The following ROBO2 variants were observed in gnomAD, a reference collection of about 807,000 sequenced individuals.
ROBO2 encodes roundabout homolog 2.
Under a neutral mutation model 160.8 loss-of-function variants are expected in ROBO2, and 53 were observed. The ratio of observed to expected loss-of-function variants is 0.33; its 90% confidence interval spans 0.26 to 0.41. The LOEUF (loss-of-function observed/expected upper bound fraction) is 0.41, where lower values mean the gene tolerates loss of function less well. ROBO2 is among the 10% of genes least tolerant of loss of function. ROBO2 has a pLI of 1.00. For missense variants in ROBO2, 1,577 were observed against 1,722.4 expected, an observed-to-expected ratio of 0.92 and a Z score of 1.49; for synonymous variants, 664 against 611.7, an observed-to-expected ratio of 1.09 and a Z score of -1.26.
At chr3:76,709,865 G>A (rs2107584989) in intron 2 of ROBO2, among the ~76,000 whole-genome samples, 1 of 152,268 alleles carries the variant, frequency 6.6e-6, no homozygotes, top group South Asian at 2.1e-4. Context: ...ACTGTCTATT[G>A]CAATGTGGGG....
chr3:77,184,220 A>G (rs937035050), intron 2 of ROBO2, among the ~76,000 whole-genome samples: 2 of 152,056 alleles, frequency 1.3e-5, no homozygotes, highest in African/African-American at 4.8e-5. Context: ...ATCTTGCATC[A>G]GCTTTATTTT....
chr3:76,567,050 C>T (rs2084571942), intron 2 of ROBO2, among the ~76,000 whole-genome samples: 1 of 152,090 alleles, frequency 6.6e-6, no homozygotes, highest in Non-Finnish European at 1.5e-5. Context: ...ATATATTAAA[C>T]TAATTAGTCT....
chr3:76,332,566 A>G (rs992318089), intron 2 of ROBO2, among the ~76,000 whole-genome samples: 2 of 152,194 alleles, frequency 1.3e-5, no homozygotes, highest in Non-Finnish European at 1.5e-5. Flanking sequence ...AACCTAAGAA[A>G]TATATTCTTA....
chr3:77,481,052 T>C lies in ROBO2; in HGVS notation c.547-47T>C, dbSNP rs1206272940. On this transcript the variant is annotated intron_variant, in intron 3 of 25. Transcript: ENST00000461745. ...TATTAATGACCTTTATTTTCTATTC[T>C]GTTCCTTTTTCTTCCCTTCTCTTTT... 3.4e-6 allele frequency: 5 copies of C among 1,481,864 alleles called. No homozygotes were observed. The African/African-American group carries it at 4.2e-5, about 12-fold the overall frequency. 91.8% of individuals were successfully genotyped at this position (1,481,864 alleles called of 1,614,324 possible).
intron 2 of ROBO2, among the ~76,000 whole-genome samples, chr3:77,187,748 G>A (rs995185808): frequency 2.0e-5 from 3 of 151,822 alleles, no homozygotes; most frequent in Admixed American, 6.6e-5. Flanking sequence ...GTCCCCAAAA[G>A]TTCAGTCTTT....
chr3:77,344,175 T>C (rs2067369969), intron 2 of ROBO2, among the ~76,000 whole-genome samples: 1 of 152,126 alleles, frequency 6.6e-6, no homozygotes. Flanking sequence ...GAGAAGGAGA[T>C]GTTTGATGTA....
At chr3:76,268,277 G>A (rs930455630) in intron 2 of ROBO2, among the ~76,000 whole-genome samples, 1 of 151,950 alleles carries the variant, frequency 6.6e-6, no homozygotes, top group Non-Finnish European at 1.5e-5. Context: ...AAGGGGAGGG[G>A]AGGGGAGGGG....
intron 2 of ROBO2, among the ~76,000 whole-genome samples, chr3:77,196,502 CT>C (rs3071072): frequency 1.0e-4 from 15 of 148,724 alleles, no homozygotes; most frequent in South Asian, 2.1e-4. Context: ...AGGAGGGCAT[CT>C]TTTTTTTTTC....
intron 3 of ROBO2, 79 bp downstream of exon 3, chr3:77,477,650 A>G: frequency 1.5e-6 from 2 of 1,313,618 alleles, no homozygotes; most frequent in Non-Finnish European, 2.2e-6. Context: ...TTTATTCTTT[A>G]ACATTATTAA....
intron 2 of ROBO2, among the ~76,000 whole-genome samples, chr3:77,246,630 A>C (rs541332131): frequency 6.6e-6 from 1 of 152,352 alleles, no homozygotes; most frequent in African/African-American, 2.4e-5. Context: ...ACTGTGAATC[A>C]GAAAAAGTCA....
chr3:76,786,601 C>G (rs1355251721), intron 2 of ROBO2, among the ~76,000 whole-genome samples: 2 of 151,338 alleles, frequency 1.3e-5, no homozygotes, highest in African/African-American at 4.8e-5. Flanking sequence ...AATTACCTCC[C>G]ACCACGCTCC....
intron 2 of ROBO2, among the ~76,000 whole-genome samples, chr3:76,027,472 T>G (rs1437267205): frequency 6.6e-6 from 1 of 151,876 alleles, no homozygotes; most frequent in African/African-American, 2.4e-5. Flanking sequence ...AAAGGGGGCT[T>G]ATGACCCTCT....
chr3:76,308,266 A>C (rs768113309), intron 2 of ROBO2, among the ~76,000 whole-genome samples: 1 of 150,676 alleles, frequency 6.6e-6, no homozygotes, highest in Non-Finnish European at 1.5e-5. Context: ...AATCCCAGCT[A>C]CTCGAGAGGC....
At chr3:76,109,668 A>AT (rs1173935261) in intron 2 of ROBO2, among the ~76,000 whole-genome samples, 7 of 151,756 alleles carry the variant, frequency 4.6e-5, no homozygotes, top group East Asian at 3.9e-4. Flanking sequence ...TTTTTCAGAA[A>AT]TTTTTTTATT....
intron 2 of ROBO2, among the ~76,000 whole-genome samples, chr3:76,283,384 C>T (rs1308663827): frequency 1.3e-5 from 2 of 151,510 alleles, no homozygotes; most frequent in African/African-American, 4.8e-5. Context: ...TTTTCCTGTT[C>T]TCCAAACTTT....
At chr3:76,386,370 C>T (rs1001582445) in intron 2 of ROBO2, among the ~76,000 whole-genome samples, 204 of 126,242 alleles carry the variant, frequency 1.6e-3, no homozygotes, top group African/African-American at 6.0e-3. Context: ...TTCCTTCCTC[C>T]CCTCCTTTCA....
At chr3:77,519,346 AT>A (rs1363591269) in intron 5 of ROBO2, among the ~76,000 whole-genome samples, 1 of 151,258 alleles carries the variant, frequency 6.6e-6, no homozygotes, top group African/African-American at 2.4e-5. Context: ...AAAACTTTTA[AT>A]TTTTTTTAAA....
intron 2 of ROBO2, among the ~76,000 whole-genome samples, chr3:76,359,016 C>T (rs568417034): frequency 6.8e-4 from 100 of 147,236 alleles, no homozygotes; most frequent in African/African-American, 2.4e-3. Flanking sequence ...AGTGAGAACA[C>T]GCGGTGTTTG....
chr3:76,458,270 T>C (rs1352906694), intron 2 of ROBO2, among the ~76,000 whole-genome samples: 2 of 152,098 alleles, frequency 1.3e-5, no homozygotes, highest in African/African-American at 4.8e-5. Flanking sequence ...CTCCAGATAC[T>C]CTAAATCATC....
Sources: gnomAD v4.1 joint callset for allele counts (sites outside exome capture counted in the v4.1 genomes callset) on GRCh38, gnomAD v4.1.1 for gene constraint, MANE v1.5 for transcripts, NCBI Gene and HGNC (gene_info 2026-07-23, HGNC 2026-07-21) for gene names.